Variants in PSAP observed in about 807,000 individuals in gnomAD.
PSAP encodes precursor of saposins.
A neutral mutation model predicts 66.0 loss-of-function variants in PSAP; 25 were observed. That is an observed-to-expected ratio of 0.38 (90% confidence interval 0.28 to 0.53). The LOEUF is 0.53. Ranked by LOEUF, PSAP falls within the 20% of genes least tolerant of loss-of-function variation. The pLI is 0.83. For missense variants in PSAP, 649 were observed against 668.8 expected (o/e 0.97, Z 0.33); for synonymous variants, 273 against 258.9 (o/e 1.05, Z -0.52).
At chr10:71,834,909 T>C (rs1334165588) in intron 1 of PSAP, among the ~76,000 whole-genome samples, 1 of 152,036 alleles carries the variant, frequency 6.6e-6, no homozygotes, top group Non-Finnish European at 1.5e-5. Context: ...TTCTGTAAAA[T>C]GGATAACAAC....
rs144616703 is a variant in PSAP, at chr10:71,850,982, C to T, written c.40+200G>A. Among the ~76,000 whole-genome samples, 1,237 of 152,346 alleles carry T rather than the reference C, an allele frequency of 8.1e-3. 22 individuals are homozygous for T. Among genetic ancestry groups the T allele is most frequent in the African/African-American group, 0.028 (1,153 of 41,578 alleles). On this transcript the variant is annotated intron_variant, in intron 1 of 13. Transcript: ENST00000394936. ...AGGGCCTGGGCCGTCCTCCCGGGGG[C>T]ATTTTCGCAGCCCGCCCCCCGCAGC...
intron 1 of PSAP, among the ~76,000 whole-genome samples, chr10:71,842,580 C>A (rs1205474509): frequency 6.6e-6 from 1 of 152,158 alleles, no homozygotes; most frequent in African/African-American, 2.4e-5. Flanking sequence ...ATCTGGAGAA[C>A]AACCAACTTC....
intron 1 of PSAP, among the ~76,000 whole-genome samples, chr10:71,842,005 TAAAAA>T (rs35837949): frequency 4.2e-5 from 6 of 141,392 alleles, no homozygotes; most frequent in Non-Finnish European, 7.7e-5. Flanking sequence ...GACTCCGTCT[TAAAAA>T]AAAAAAAAAA....
chr10:71,843,219 G>A (rs1041959614), intron 1 of PSAP, among the ~76,000 whole-genome samples: 1 of 152,172 alleles, frequency 6.6e-6, no homozygotes, highest in African/African-American at 2.4e-5. Context: ...AGATGTTCCA[G>A]AGAGGTGGAA....
chr10:71,841,153 T>A (rs1471319709), intron 1 of PSAP, among the ~76,000 whole-genome samples: 1 of 152,208 alleles, frequency 6.6e-6, no homozygotes, highest in African/African-American at 2.4e-5. Context: ...CTCCCCATCC[T>A]CGAGAAAGCT....
intron 4 of PSAP, among the ~76,000 whole-genome samples, chr10:71,830,540 C>A (rs1842492052): frequency 6.6e-6 from 1 of 152,228 alleles, no homozygotes; most frequent in African/African-American, 2.4e-5. Context: ...TATGACACAA[C>A]CCCTGCCTTC....
intron 13 of PSAP, among the ~76,000 whole-genome samples, chr10:71,817,909 G>C (rs561247177): frequency 6.6e-6 from 1 of 152,242 alleles, no homozygotes; most frequent in African/African-American, 2.4e-5. Context: ...TGTGGGGTGG[G>C]GCTGGCGGTG....
At chr10:71,820,133 A>C (rs1048717431) in intron 9 of PSAP, 107 bp downstream of exon 9, 2 of 1,077,302 alleles carry the variant, frequency 1.9e-6, no homozygotes, top group Admixed American at 1.7e-5. Flanking sequence ...ATGGCTGTAC[A>C]CATGTCAAGG....
At chr10:71,848,375 T>G (rs527288518) in intron 1 of PSAP, among the ~76,000 whole-genome samples, 1 of 152,336 alleles carries the variant, frequency 6.6e-6, no homozygotes, top group East Asian at 1.9e-4. Context: ...AAGCGAGCAC[T>G]GTGGAGTCTT....
intron 1 of PSAP, among the ~76,000 whole-genome samples, chr10:71,837,687 G>T (rs1842652317): frequency 6.6e-6 from 1 of 152,222 alleles, no homozygotes; most frequent in Non-Finnish European, 1.5e-5. Flanking sequence ...CTAAGTAATG[G>T]TGTGTGATCC....
intron 7 of PSAP, among the ~76,000 whole-genome samples, chr10:71,825,119 A>G (rs1392706220): frequency 6.6e-6 from 1 of 152,166 alleles, no homozygotes; most frequent in Non-Finnish European, 1.5e-5. Context: ...TAAGTACAAA[A>G]CATGATGGGC....
At chr10:71,825,460 G>A (rs1842383648) in intron 7 of PSAP, among the ~76,000 whole-genome samples, 1 of 152,254 alleles carries the variant, frequency 6.6e-6, no homozygotes, top group Non-Finnish European at 1.5e-5. Context: ...CCGGGAGGCA[G>A]TATTCCCCCG....
intron 1 of PSAP, among the ~76,000 whole-genome samples, chr10:71,836,290 C>T (rs1171839475): frequency 6.6e-6 from 1 of 152,148 alleles, no homozygotes; most frequent in Non-Finnish European, 1.5e-5. Context: ...CTCACAAAAG[C>T]TTAGTTAGCC....
intron 2 of PSAP, 51 bp from the exon 3 acceptor site, chr10:71,831,971 C>A: frequency 1.3e-6 from 2 of 1,541,868 alleles, no homozygotes; most frequent in Non-Finnish European, 1.8e-6. Flanking sequence ...AAATTCACAC[C>A]CCACACAGCT....
intron 13 of PSAP, among the ~76,000 whole-genome samples, chr10:71,818,391 AAAAT>A (rs1280779405): frequency 2.6e-5 from 4 of 152,236 alleles, no homozygotes; most frequent in Non-Finnish European, 4.4e-5. Flanking sequence ...AATACTAAAA[AAAAT>A]AAATAAATAA....
At chr10:71,823,862 C>A (rs377483923) in intron 7 of PSAP, 1 of 1,289,088 alleles carries the variant, frequency 7.8e-7, no homozygotes. Flanking sequence ...CAGACCACTA[C>A]TGCAAGCAGA....
intron 1 of PSAP, 70 bp downstream of exon 1, chr10:71,851,112 C>A: frequency 6.6e-7 from 1 of 1,524,138 alleles, no homozygotes; most frequent in Non-Finnish European, 8.9e-7. Flanking sequence ...CCAGGCCCGG[C>A]ACAGCCCATT....
chr10:71,819,757 G>A lies in PSAP; in HGVS notation c.1149C>T (p.Ser383=). 1.2e-6 allele frequency: 2 copies of A among 1,614,104 alleles called. No individual in the cohort carries two copies. Among genetic ancestry groups the A allele is most frequent in the East Asian group, 2.2e-5 (1 of 44,868 alleles). ...GCGTGCCAGAGCAGAGGTGCAGCAT[G>A]CTGCACACCAGCTCAGGGCTGACCT... The part of the protein sequence containing the change: ...LEEVSPELVC[S]MLHLCSGTRL... Residue 383 remains serine, a synonymous_variant, in exon 10 of 14, where the codon AGC becomes AGT. Coordinates refer to ENST00000394936, the MANE Select transcript of PSAP (RefSeq NM_002778.4).
intron 1 of PSAP, among the ~76,000 whole-genome samples, chr10:71,849,507 G>A (rs538097950): frequency 9.2e-5 from 14 of 152,062 alleles, no homozygotes; most frequent in Admixed American, 5.9e-4. Flanking sequence ...AGGCTGAGGC[G>A]GGAGAATGGC....
Sources: allele counts gnomAD v4.1 joint callset (sites outside exome capture counted in the v4.1 genomes callset), GRCh38; gene constraint gnomAD v4.1.1; transcripts MANE v1.5; gene names NCBI Gene and HGNC (gene_info 2026-07-23, HGNC 2026-07-21).